Variants in LRRC4B observed in about 807,000 individuals in gnomAD.
The protein encoded by LRRC4B is leucine-rich repeat-containing protein 4B.
LRRC4B carries 1 observed loss-of-function variant against 7.3 expected under a neutral mutation model. The ratio of observed to expected loss-of-function variants is 0.14; its 90% CI spans 0.05 to 0.65. The LOEUF (loss-of-function observed/expected upper bound fraction) is 0.65. Ranked by LOEUF, LRRC4B falls within the 30% of genes least tolerant of loss-of-function variation. The pLI is 0.84. For synonymous variants in LRRC4B, 500 were observed against 499.2 expected, an observed-to-expected ratio of 1.00 and a Z score of -0.02; for missense variants, 730 against 1,041.6, an observed-to-expected ratio of 0.70 and a Z score of 4.12.
chr19:50,531,169 C>G (rs773847289), intron 2 of LRRC4B, among the ~76,000 whole-genome samples: 2 of 152,214 alleles, frequency 1.3e-5, no homozygotes, highest in African/African-American at 4.8e-5. Context: ...CTGCAGCTCC[C>G]GGAGCCTCTG....
chr19:50,566,779 G>C (rs554205179), intron 1 of LRRC4B, among the ~76,000 whole-genome samples: 38 of 151,624 alleles, frequency 2.5e-4, no homozygotes, highest in Non-Finnish European at 4.9e-4. Flanking sequence ...CTGAGACTGG[G>C]GAGTACTATG....
At chr19:50,566,812 G>A (rs1415232676) in intron 1 of LRRC4B, among the ~76,000 whole-genome samples, 1 of 151,494 alleles carries the variant, frequency 6.6e-6, no homozygotes, top group Non-Finnish European at 1.5e-5. Context: ...AACGATGGAG[G>A]GGGTCTCTGG....
At chr19:50,547,065 C>A (rs1981847575) in intron 2 of LRRC4B, among the ~76,000 whole-genome samples, 1 of 152,168 alleles carries the variant, frequency 6.6e-6, no homozygotes, top group African/African-American at 2.4e-5. Flanking sequence ...TGCAGGGAAG[C>A]CGGGGGCAGG....
chr19:50,541,909 G>C (rs1311295791), intron 2 of LRRC4B, among the ~76,000 whole-genome samples: 1 of 152,136 alleles, frequency 6.6e-6, no homozygotes, highest in East Asian at 1.9e-4. Context: ...CAGATGGACG[G>C]GGGTGGGTGC....
At chr19:50,529,230 C>T (rs1004214461) in intron 2 of LRRC4B, among the ~76,000 whole-genome samples, 1 of 152,098 alleles carries the variant, frequency 6.6e-6, no homozygotes, top group African/African-American at 2.4e-5. Context: ...ACACTCCCTC[C>T]CCGAGACTCC....
chr19:50,558,500 A>G (rs1982357213), intron 1 of LRRC4B, among the ~76,000 whole-genome samples: 2 of 152,190 alleles, frequency 1.3e-5, no homozygotes, highest in Admixed American at 1.3e-4. Context: ...AAAGTGCTGG[A>G]TTATAAGCGT....
At chr19:50,551,803 C>A (rs545382272) in intron 1 of LRRC4B, among the ~76,000 whole-genome samples, 31 of 151,758 alleles carry the variant, frequency 2.0e-4, no homozygotes, top group African/African-American at 7.3e-4. Flanking sequence ...TCTTTCTCCG[C>A]GATTACAATT....
chr19:50,541,379 A>AAAG (rs1568727303), intron 2 of LRRC4B, among the ~76,000 whole-genome samples: 4 of 148,454 alleles, frequency 2.7e-5, no homozygotes, highest in Non-Finnish European at 4.5e-5. Flanking sequence ...AAAAAAAAAA[A>AAAG]AAAAAGAAAA....
chr19:50,549,649 G>C (rs1049159804), intron 1 of LRRC4B, among the ~76,000 whole-genome samples: 3 of 152,270 alleles, frequency 2.0e-5, no homozygotes, highest in African/African-American at 7.2e-5. Flanking sequence ...GGTGTGGGCA[G>C]GTGAAGGGAG....
At chr19:50,538,937 G>A (rs1395515779) in intron 2 of LRRC4B, among the ~76,000 whole-genome samples, 1 of 150,524 alleles carries the variant, frequency 6.6e-6, no homozygotes, top group Non-Finnish European at 1.5e-5. Context: ...CGCCAGGCTG[G>A]AGTGCAGTGG....
intron 2 of LRRC4B, among the ~76,000 whole-genome samples, chr19:50,542,288 G>A (rs1318602304): frequency 6.6e-6 from 1 of 151,990 alleles, no homozygotes; most frequent in Non-Finnish European, 1.5e-5. Context: ...CCCAGGTCCC[G>A]AGGAGATGGA....
chr19:50,521,722 A>G (rs1239468666), intron 2 of LRRC4B, among the ~76,000 whole-genome samples: 4 of 139,002 alleles, frequency 2.9e-5, no homozygotes, highest in African/African-American at 1.1e-4. Flanking sequence ...CACCGTGCCC[A>G]GCCAATTTTG....
chr19:50,543,262 G>T (rs897708024), intron 2 of LRRC4B, among the ~76,000 whole-genome samples: 1 of 152,074 alleles, frequency 6.6e-6, no homozygotes, highest in African/African-American at 2.4e-5. Context: ...CAACCAAGGC[G>T]GCAGGTCACA....
chr19:50,530,149 G>C (rs1384472096), intron 2 of LRRC4B, among the ~76,000 whole-genome samples: 1 of 151,950 alleles, frequency 6.6e-6, no homozygotes, highest in Non-Finnish European at 1.5e-5. Context: ...CTCTCTCCCT[G>C]GGCCCGCCGC....
At chr19:50,532,452 G>C (rs575850496) in intron 2 of LRRC4B, among the ~76,000 whole-genome samples, 2 of 152,120 alleles carry the variant, frequency 1.3e-5, no homozygotes, top group Non-Finnish European at 2.9e-5. Flanking sequence ...CCCTCTCCTT[G>C]ACTCTAGCCA....
intron 1 of LRRC4B, among the ~76,000 whole-genome samples, chr19:50,551,630 G>A (rs1000181976): frequency 8.0e-6 from 1 of 124,980 alleles, no homozygotes; most frequent in Non-Finnish European, 1.6e-5. Flanking sequence ...TCACAATCTT[G>A]CCTCCCTCGG....
rs1366765978 is a variant in LRRC4B, at chr19:50,537,968, C to T, written c.297+10574G>A. 6.6e-6 allele frequency among the ~76,000 whole-genome samples: 1 copy of T among 152,196 alleles called. No individual in the cohort carries two copies. Among genetic ancestry groups the T allele is most frequent in the Non-Finnish European group, 1.5e-5 (1 of 68,026 alleles). On this transcript the variant is annotated intron_variant, in intron 2 of 2. Transcript: ENST00000652263. This position sits in a 1 kb window ranked among gnomAD's most constrained non-coding sequence, Gnocchi z 5.5. ...ACCTCCTGGCTGCTGGTCGCAGGCC[C>T]GCGGCTGGGGAATGTCCCAGTTGAC...
At chr19:50,530,471 G>A (rs1458403484) in intron 2 of LRRC4B, among the ~76,000 whole-genome samples, 1 of 152,118 alleles carries the variant, frequency 6.6e-6, no homozygotes, top group East Asian at 1.9e-4. Flanking sequence ...TTCATCCACC[G>A]GGAAAGCTCC....
At chr19:50,538,620 G>A (rs1981403700) in intron 2 of LRRC4B, among the ~76,000 whole-genome samples, 1 of 130,414 alleles carries the variant, frequency 7.7e-6, no homozygotes, top group Non-Finnish European at 1.6e-5. Context: ...CTAGGCTGGA[G>A]TCCAGTGGCA....
Sources: gnomAD v4.1 joint callset for allele counts (sites outside exome capture counted in the v4.1 genomes callset) on GRCh38, gnomAD v4.1.1 for gene constraint, Gnocchi (gnomAD v3.1) non-coding constraint, MANE v1.5 for transcripts, NCBI Gene and HGNC (gene_info 2026-07-23, HGNC 2026-07-21) for gene names.